The following COX6B1 variants were observed in gnomAD, a reference collection of about 807,000 sequenced individuals.
COX6B1 encodes COX VIb-1.
In COX6B1, 2 loss-of-function variants were observed where a neutral mutation model predicts 14.0. The ratio of observed to expected loss-of-function variants is 0.14; its 90% CI spans 0.06 to 0.45. The LOEUF is 0.45. Among genes scored for constraint, COX6B1 ranks in the 20% least tolerant of loss-of-function variants. The probability of loss-of-function intolerance (pLI) is 0.98; values close to 1 mark genes in which losing one functional copy is unlikely to be tolerated. For missense variants in COX6B1, 81 were observed against 114.2 expected (o/e 0.71, Z 1.33); for synonymous variants, 30 against 39.7 (o/e 0.76, Z 0.92).
intron 3 of COX6B1, among the ~76,000 whole-genome samples, chr19:35,655,180 C>G (rs1321297464): frequency 2.0e-5 from 3 of 152,022 alleles, no homozygotes; most frequent in Non-Finnish European, 4.4e-5. Context: ...CAGGTGTGCA[C>G]CACCATGCCC....
intron 1 of COX6B1, among the ~76,000 whole-genome samples, chr19:35,649,064 T>C (rs1359610526): frequency 2.0e-5 from 3 of 152,080 alleles, no homozygotes; most frequent in African/African-American, 7.2e-5. Flanking sequence ...GCCCCACGAC[T>C]CCTAGGATTC....
At position 35,658,580 on chromosome 19, in the gene COX6B1, CTG is replaced by C. The variant is rs771374298; in HGVS notation, c.208-12_208-11del. The C allele has an allele frequency of 1.6e-5, 25 of 1,612,452 alleles. No individual in the cohort carries two copies. Among genetic ancestry groups the C allele is most frequent in the Non-Finnish European group, 2.0e-5 (24 of 1,178,656 alleles). On this transcript the variant is annotated splice_polypyrimidine_tract_variant and intron_variant, in intron 3 of 3. Coordinates refer to ENST00000649813, the MANE Select transcript of COX6B1 (RefSeq NM_001863.5). The stretch of plus-strand genomic sequence containing the variant: ...TTTCCCCACTGCGGAGGGAATAACA[CTG>C]TCTTTCCACAGGTCACAGACTGGGA...
intron 3 of COX6B1, 128 bp downstream of exon 3, chr19:35,654,799 T>C: frequency 1.3e-6 from 1 of 750,416 alleles, no homozygotes; most frequent in Non-Finnish European, 2.2e-6. Context: ...GTCCCAGGAC[T>C]CAGTGCCTTT....
At chr19:35,648,642 G>A (rs893860652) in intron 1 of COX6B1, 2 of 352,700 alleles carry the variant, frequency 5.7e-6, no homozygotes, top group Admixed American at 3.8e-5. Context: ...CTATGAGATA[G>A]GGCCTGCGAT....
chr19:35,652,965 A>ATTTTTTT (rs1330598420), intron 2 of COX6B1, among the ~76,000 whole-genome samples: 1 of 121,760 alleles, frequency 8.2e-6, no homozygotes, highest in Non-Finnish European at 1.7e-5. Context: ...CACCCAGCTA[A>ATTTTTTT]TTTTTTTTTT....
chr19:35,655,986 T>G (rs918203341), intron 3 of COX6B1, among the ~76,000 whole-genome samples: 2 of 152,050 alleles, frequency 1.3e-5, no homozygotes, highest in African/African-American at 4.8e-5. Context: ...CCACCACACC[T>G]GGCCCAATTT....
In COX6B1 at chr19:35,651,309, C is replaced by T; in HGVS notation, c.66C>T (p.Pro22=). 6.2e-7 allele frequency: 1 copy of T among 1,614,062 alleles called. No individual in the cohort carries two copies. Among genetic ancestry groups the T allele is most frequent in the African/African-American group, 1.3e-5 (1 of 75,038 alleles). The change falls in exon 2 of 4, where the codon CCC becomes CCT. Residue 22 remains proline (P), a synonymous_variant. Transcript: ENST00000649813. ...CCGCCCCTTTTGACAGCCGCTTCCC[C>T]AACCAGAACCAGACTAGAAACTGCT... ...YKTAPFDSRF[P]NQNQTRNCWQ... is the part of the protein sequence containing the mutation.
In COX6B1 at chr19:35,651,374, C is replaced by G. The variant is rs770869841; in HGVS notation, c.106+25C>G. ...GGTAAGCAGGACCTTTCCCTGGCCA[C>G]ATACCTCGAGTCACTCACCGCTTGC... On this transcript the variant is annotated intron_variant, in intron 2 of 3. Transcript: ENST00000649813. 3 of 1,572,968 alleles carry G rather than the reference C, an allele frequency of 1.9e-6. No individual in the cohort carries two copies. The South Asian group carries it at 3.3e-5, about 17-fold the overall frequency.
chr19:35,648,482 G>A, intron 1 of COX6B1, 79 bp downstream of exon 1: 1 of 229,782 alleles, frequency 4.4e-6, no homozygotes, highest in Non-Finnish European at 8.9e-6. Flanking sequence ...CTGAGAACGG[G>A]TTGAGGCTTC....
chr19:35,651,578 T>G (rs528183886), intron 2 of COX6B1, among the ~76,000 whole-genome samples: 7 of 152,274 alleles, frequency 4.6e-5, no homozygotes, highest in South Asian at 2.1e-4. Flanking sequence ...GGTTTGGTTT[T>G]GTTTTTTTCC....
At chr19:35,651,011 C>G (rs1220978252) in intron 1 of COX6B1, among the ~76,000 whole-genome samples, 1 of 152,128 alleles carries the variant, frequency 6.6e-6, no homozygotes, top group Non-Finnish European at 1.5e-5. Flanking sequence ...ATTTGGGGAC[C>G]AGGCTTGATT....
intron 3 of COX6B1, among the ~76,000 whole-genome samples, chr19:35,656,305 T>C (rs1967888539): frequency 6.6e-6 from 1 of 152,150 alleles, no homozygotes. Flanking sequence ...ACTATGGTGA[T>C]CTACATGCTA....
Position 35,658,725 on chromosome 19 carries a change from C to A in COX6B1, c.*78C>A. 1 of 1,303,928 alleles carries A rather than the reference C, an allele frequency of 7.7e-7. No homozygotes were observed. The highest frequency in any genetic ancestry group is 1.1e-6 in the Non-Finnish European group (1 of 898,960). 80.8% of individuals were successfully genotyped at this position (1,303,928 alleles called of 1,614,324 possible). A position where few individuals can be genotyped will look rare whatever the true frequency, so the allele number is the denominator to read the frequency against. On this transcript the variant is annotated 3_prime_UTR_variant, in exon 4 of 4. Transcript: ENST00000649813. ...AGGGGGACCTGGTACCCAGTGATCCCCACCCCAGGATCCTAAATCATGACT... is the reference window on the plus strand; with the variant it reads ...AGGGGGACCTGGTACCCAGTGATCCACACCCCAGGATCCTAAATCATGACT...
chr19:35,651,584 T>C (rs1164605480), intron 2 of COX6B1, among the ~76,000 whole-genome samples: 2 of 152,166 alleles, frequency 1.3e-5, no homozygotes, highest in Non-Finnish European at 2.9e-5. Flanking sequence ...GTTTTGTTTT[T>C]TTCCAGAGAT....
chr19:35,651,171 G>A (rs942296613), intron 1 of COX6B1, 62 bp from the exon 2 acceptor site: 5 of 970,924 alleles, frequency 5.1e-6, no homozygotes, highest in Admixed American at 5.1e-5. Context: ...ATTGATCCTG[G>A]GTAGTCTGGC....
At chr19:35,654,280 T>C (rs1967863107) in intron 2 of COX6B1, among the ~76,000 whole-genome samples, 1 of 152,044 alleles carries the variant, frequency 6.6e-6, no homozygotes, top group Admixed American at 6.6e-5. Context: ...CCTAGCACTT[T>C]GGGAGGCCGA....
intron 3 of COX6B1, among the ~76,000 whole-genome samples, chr19:35,656,300 G>A (rs1287857362): frequency 6.6e-6 from 1 of 152,088 alleles, no homozygotes; most frequent in African/African-American, 2.4e-5. Flanking sequence ...TGGAGACTAT[G>A]GTGATCTACA....
At chr19:35,658,527 G>A in intron 3 of COX6B1, 67 bp from the exon 4 acceptor site, 2 of 1,427,926 alleles carry the variant, frequency 1.4e-6, no homozygotes, top group South Asian at 2.3e-5. Context: ...TGGGCAAAGT[G>A]AGGAAGATAA....
At position 35,651,468 on chromosome 19, in the gene COX6B1, C is replaced by T. The variant is rs1018180568; in HGVS notation, c.106+119C>T. The T allele has an allele frequency of 1.2e-5, 9 of 763,188 alleles. No individual in the cohort carries two copies. In the Admixed American group the frequency reaches 1.6e-4, roughly 14 times the overall value. 47.3% of individuals were successfully genotyped at this position (763,188 alleles called of 1,614,324 possible). ...TCTGAACATCCTTACTCTGGAAGGC[C>T]CATGCCTCTCATCACCTGCTGTTCA... On this transcript the variant is annotated intron_variant, in intron 2 of 3. Coordinates refer to ENST00000649813, the MANE Select transcript of COX6B1 (RefSeq NM_001863.5).
Sources: allele counts gnomAD v4.1 joint callset (sites outside exome capture counted in the v4.1 genomes callset), GRCh38; gene constraint gnomAD v4.1.1; transcripts MANE v1.5; gene names NCBI Gene and HGNC (gene_info 2026-07-23, HGNC 2026-07-21).